The following ATG10 variants were observed in gnomAD, a reference collection of about 807,000 sequenced individuals.
The protein encoded by ATG10 is autophagy related 10.
ATG10 carries 30 observed loss-of-function variants against 32.1 expected under a neutral mutation model. The observed-to-expected ratio is 0.94, with a 90% CI of 0.70 to 1.27. The LOEUF is 1.27. Ranked by LOEUF, ATG10 falls within the 50% of genes most tolerant of loss-of-function variation. The pLI is 0.00. For missense variants in ATG10, 233 were observed against 262.3 expected (o/e 0.89, Z 0.77); for synonymous variants, 87 against 91.5 (o/e 0.95, Z 0.28).
At chr5:82,035,739 A>G (rs865910585) in intron 2 of ATG10, among the ~76,000 whole-genome samples, 1 of 148,236 alleles carries the variant, frequency 6.7e-6, no homozygotes, top group African/African-American at 2.4e-5. Context: ...AATAACATAT[A>G]TGATTATATA....
At chr5:82,127,537 A>T (rs1261687113) in intron 3 of ATG10, among the ~76,000 whole-genome samples, 1 of 152,038 alleles carries the variant, frequency 6.6e-6, no homozygotes, top group Non-Finnish European at 1.5e-5. Context: ...AATTTTCATT[A>T]TTTGCCCAGT....
chr5:82,018,257 CT>C (rs1431628694), intron 2 of ATG10, among the ~76,000 whole-genome samples: 1 of 152,004 alleles, frequency 6.6e-6, no homozygotes, highest in Non-Finnish European at 1.5e-5. Context: ...TCTTTAACTC[CT>C]TTATTTTTTT....
chr5:82,125,246 C>T (rs1581713593), intron 3 of ATG10, among the ~76,000 whole-genome samples: 1 of 152,170 alleles, frequency 6.6e-6, no homozygotes, highest in Admixed American at 6.5e-5. Context: ...TGCCTGTTCA[C>T]TCTGATGATA....
At chr5:82,034,420 G>A (rs888358605) in intron 2 of ATG10, among the ~76,000 whole-genome samples, 2 of 151,992 alleles carry the variant, frequency 1.3e-5, no homozygotes, top group African/African-American at 2.4e-5. Context: ...CCACCTTAGC[G>A]CAGGCTGTCA....
Position 82,203,020 on chromosome 5 carries a change from G to C in ATG10, c.453+24433G>C, listed in dbSNP as rs546341173. On this transcript the variant is annotated intron_variant, in intron 5 of 7. Transcript: ENST00000282185. Reference sequence around the variant, plus strand: ...AGGCAGATGGATCACCTGAGGTCAGGAGTTTGAGACCAGCCTAGCCAATGT... The same window carrying C: ...AGGCAGATGGATCACCTGAGGTCAGCAGTTTGAGACCAGCCTAGCCAATGT... Among the ~76,000 whole-genome samples, 41 of 152,232 alleles carry C rather than the reference G, an allele frequency of 2.7e-4. No homozygotes were observed. The East Asian group carries it at 7.5e-3, about 28-fold the overall frequency.
At chr5:82,054,220 A>G (rs1763518502) in intron 2 of ATG10, among the ~76,000 whole-genome samples, 3 of 152,214 alleles carry the variant, frequency 2.0e-5, no homozygotes, top group Admixed American at 2.0e-4. Context: ...TCTAATGTGC[A>G]GCTTGGATTG....
chr5:82,071,545 T>G (rs560122338), intron 3 of ATG10, among the ~76,000 whole-genome samples: 1 of 152,200 alleles, frequency 6.6e-6, no homozygotes, highest in African/African-American at 2.4e-5. Flanking sequence ...ACGCAGGGTA[T>G]TGGAATTAAC....
At chr5:82,032,948 T>C (rs1383369573) in intron 2 of ATG10, among the ~76,000 whole-genome samples, 1 of 152,084 alleles carries the variant, frequency 6.6e-6, no homozygotes, top group East Asian at 1.9e-4. Context: ...GGAAATCTGT[T>C]TGGGATGGAG....
At chr5:82,045,196 G>A (rs188321281) in intron 2 of ATG10, among the ~76,000 whole-genome samples, 1 of 152,266 alleles carries the variant, frequency 6.6e-6, no homozygotes, top group East Asian at 1.9e-4. Context: ...TTTAATGTGG[G>A]AGGGTATGTC....
intron 5 of ATG10, among the ~76,000 whole-genome samples, chr5:82,227,660 G>A (rs1211264448): frequency 6.6e-6 from 1 of 152,086 alleles, no homozygotes; most frequent in Non-Finnish European, 1.5e-5. Flanking sequence ...ACAGACATGA[G>A]CCACCACTCC....
chr5:82,068,984 A>C lies in ATG10; in HGVS notation c.216+10382A>C, dbSNP rs116026814. 3.2e-3 allele frequency among the ~76,000 whole-genome samples: 480 copies of C among 151,608 alleles called. 1 individual carries two copies. Among genetic ancestry groups the C allele is most frequent in the African/African-American group, 0.01 (421 of 41,432 alleles). ...TGGAGGGAGATACGTTACTTAGAAC[A>C]TATTACAGTAAGATTTGATCTCACA... is the stretch of plus-strand genomic sequence containing the variant. On this transcript the variant is annotated intron_variant, in intron 3 of 7. Coordinates refer to ENST00000282185, the MANE Select transcript of ATG10 (RefSeq NM_031482.5).
intron 5 of ATG10, among the ~76,000 whole-genome samples, chr5:82,185,061 A>T (rs1169472601): frequency 6.6e-6 from 1 of 152,186 alleles, no homozygotes; most frequent in Admixed American, 6.5e-5. Flanking sequence ...ACCACAAGAG[A>T]TTCTATTGTG....
At chr5:82,054,882 G>A (rs1763542925) in intron 2 of ATG10, among the ~76,000 whole-genome samples, 1 of 152,156 alleles carries the variant, frequency 6.6e-6, no homozygotes, top group Non-Finnish European at 1.5e-5. Context: ...TTAAAGAAGA[G>A]TTAAATGTTC....
intron 2 of ATG10, among the ~76,000 whole-genome samples, chr5:82,022,776 T>G (rs1057058130): frequency 1.3e-5 from 2 of 152,006 alleles, no homozygotes; most frequent in Non-Finnish European, 2.9e-5. Context: ...GCATATAGGC[T>G]TAGAGAAAGT....
intron 5 of ATG10, among the ~76,000 whole-genome samples, chr5:82,227,977 A>G (rs192267654): frequency 1.3e-5 from 2 of 152,284 alleles, no homozygotes; most frequent in Admixed American, 1.3e-4. Flanking sequence ...ATACCAAGGT[A>G]GGTGGATTGC....
intron 4 of ATG10, among the ~76,000 whole-genome samples, chr5:82,171,096 G>A (rs1337451935): frequency 1.3e-5 from 2 of 152,084 alleles, no homozygotes; most frequent in Non-Finnish European, 2.9e-5. Context: ...TGCTTCCCTT[G>A]GGACCATTTT....
intron 3 of ATG10, among the ~76,000 whole-genome samples, chr5:82,086,730 G>T (rs918956787): frequency 6.6e-6 from 1 of 152,146 alleles, no homozygotes; most frequent in Non-Finnish European, 1.5e-5. Context: ...AACCACACAA[G>T]TGCATGTGTA....
chr5:82,021,080 A>AT (rs913026208), intron 2 of ATG10, among the ~76,000 whole-genome samples: 12 of 152,110 alleles, frequency 7.9e-5, no homozygotes, highest in East Asian at 1.9e-4. Context: ...AACAGAAGTC[A>AT]TTTTTTTTAA....
chr5:82,112,484 T>C (rs190832226), intron 3 of ATG10, among the ~76,000 whole-genome samples: 2 of 152,032 alleles, frequency 1.3e-5, no homozygotes, highest in Admixed American at 1.3e-4. Flanking sequence ...TTATTTTGTA[T>C]ATCTCATAAA....
Sources: allele counts gnomAD v4.1 joint callset (sites outside exome capture counted in the v4.1 genomes callset), GRCh38; gene constraint gnomAD v4.1.1; transcripts MANE v1.5; gene names NCBI Gene and HGNC (gene_info 2026-07-23, HGNC 2026-07-21).